The following PIGN variants were observed in gnomAD, a reference collection of about 807,000 sequenced individuals.
PIGN encodes the protein GPI ethanolamine phosphate transferase 1.
PIGN carries 117 observed loss-of-function variants against 125.4 expected under a neutral mutation model. That is an observed-to-expected ratio of 0.93 (90% CI 0.80 to 1.09). PIGN has a LOEUF of 1.09. Ranked by LOEUF, PIGN falls within the 50% of genes least tolerant of loss-of-function variation. The pLI is 0.00. For synonymous variants in PIGN, 392 were observed against 377.8 expected (o/e 1.04, Z -0.44); for missense variants, 1,075 against 1,094.9 (o/e 0.98, Z 0.26).
intron 14 of PIGN, among the ~76,000 whole-genome samples, chr18:62,120,970 A>G (rs973740363): frequency 3.3e-5 from 5 of 152,212 alleles, no homozygotes; most frequent in Non-Finnish European, 7.3e-5. Flanking sequence ...TACCTTAAAT[A>G]TAAGAACATC....
chr18:62,144,797 A>G (rs529758054), intron 10 of PIGN, among the ~76,000 whole-genome samples: 98 of 152,318 alleles, frequency 6.4e-4, no homozygotes, highest in African/African-American at 2.3e-3. Context: ...TTTGCCAAAT[A>G]TCTTAATAAA....
rs1344825555 is a variant in PIGN, at chr18:62,041,476, A to G, written c.*4380T>C. On this transcript the variant is annotated 3_prime_UTR_variant, in exon 31 of 31. Transcript: ENST00000640252. ...CAAAACTATGACAAATTAAGGTTTTAGTGCAAAATTATATGGAGACATTTC... is the reference window on the plus strand; with the variant it reads ...CAAAACTATGACAAATTAAGGTTTTGGTGCAAAATTATATGGAGACATTTC... 1 of 152,186 alleles carries G rather than the reference A, an allele frequency of 6.6e-6. No homozygotes were observed. Among genetic ancestry groups the G allele is most frequent in the Non-Finnish European group, 1.5e-5 (1 of 68,030 alleles). The allele number at this position is 152,186 out of a possible 1,614,324, so 9.4% of individuals were successfully genotyped here.
intron 14 of PIGN, among the ~76,000 whole-genome samples, chr18:62,125,114 ATGTGTATATAAATAT>A (rs2035467820): frequency 9.6e-6 from 1 of 103,832 alleles, no homozygotes; most frequent in Non-Finnish European, 2.5e-5. Flanking sequence ...GTTTGTACAT[ATGTGTATATAAATAT>A]ACACGTTTGT....
At chr18:62,020,808 A>G (rs2030045069) in intron 23 of PIGN, among the ~76,000 whole-genome samples, 1 of 135,854 alleles carries the variant, frequency 7.4e-6, no homozygotes, top group Non-Finnish European at 1.7e-5. Context: ...AAAAAAAAAA[A>G]AAATTAGCCG....
At chr18:62,051,585 T>C (rs1480949142) in intron 30 of PIGN, among the ~76,000 whole-genome samples, 15 of 152,178 alleles carry the variant, frequency 9.9e-5, no homozygotes, top group Non-Finnish European at 1.8e-4. Flanking sequence ...ATTTGATTCT[T>C]CTCTCTTTTC....
chr18:62,123,931 A>G (rs1210578577), intron 14 of PIGN, among the ~76,000 whole-genome samples: 1 of 152,138 alleles, frequency 6.6e-6, no homozygotes, highest in Non-Finnish European at 1.5e-5. Context: ...AAAATGAAAA[A>G]AAAAAAGTGA....
intron 23 of PIGN, among the ~76,000 whole-genome samples, chr18:62,021,630 G>A (rs961589614): frequency 6.6e-6 from 1 of 152,202 alleles, no homozygotes; most frequent in Non-Finnish European, 1.5e-5. Flanking sequence ...CTGGAGACAG[G>A]TGCCCCCACC....
chr18:62,046,117 C>T, intron 30 of PIGN, 138 bp from the exon 31 acceptor site: 2 of 819,854 alleles, frequency 2.4e-6, no homozygotes, highest in Non-Finnish European at 3.8e-6. Context: ...TACCTTATTC[C>T]TCCTGCTAAG....
intron 1 of PIGN, among the ~76,000 whole-genome samples, chr18:62,182,579 T>C (rs1167753691): frequency 3.9e-5 from 6 of 152,242 alleles, no homozygotes; most frequent in African/African-American, 1.4e-4. Context: ...TTAAGATGTA[T>C]ACCATCTCTT....
chr18:62,032,275 C>A (rs974289725), intron 23 of PIGN, among the ~76,000 whole-genome samples: 1 of 152,206 alleles, frequency 6.6e-6, no homozygotes, highest in Non-Finnish European at 1.5e-5. Flanking sequence ...CTGTGAACTT[C>A]CATGTCTTTG....
intron 14 of PIGN, among the ~76,000 whole-genome samples, chr18:62,128,346 A>AT (rs2035612887): frequency 6.6e-6 from 1 of 152,248 alleles, no homozygotes; most frequent in South Asian, 2.1e-4. Context: ...GGTAAAAAGT[A>AT]TAAACAAAGA....
rs2030365768 is a variant in PIGN, at chr18:62,041,414, G to A, written c.*4442C>T. The A allele has an allele frequency of 1.3e-5, 2 of 152,038 alleles. No individual in the cohort carries two copies. The highest frequency in any genetic ancestry group is 4.1e-4 in the South Asian group (2 of 4,828). 9.4% of individuals were successfully genotyped at this position (152,038 alleles called of 1,614,324 possible). ...AGTAAAAATGGTATTCCAGTTCTCA[G>A]GGAAAAAAATTCAATCAACATACAA... is the stretch of plus-strand genomic sequence containing the variant. On this transcript the variant is annotated 3_prime_UTR_variant, in exon 31 of 31. Coordinates refer to ENST00000640252, the MANE Select transcript of PIGN (RefSeq NM_176787.5).
chr18:62,127,890 C>T (rs62095337), intron 14 of PIGN, among the ~76,000 whole-genome samples: 9,956 of 151,760 alleles, frequency 0.066, 453 homozygotes, highest in Non-Finnish European at 0.097. Flanking sequence ...TACATAATAG[C>T]GGAAGGAGAA....
intron 30 of PIGN, chr18:62,072,455 G>T: frequency 2.7e-6 from 1 of 377,076 alleles, no homozygotes; most frequent in Admixed American, 4.4e-5. Context: ...TTACCATTGG[G>T]TTACAATTGC....
chr18:62,032,155 T>A (rs1035064569), intron 23 of PIGN, among the ~76,000 whole-genome samples: 7 of 152,174 alleles, frequency 4.6e-5, no homozygotes, highest in African/African-American at 7.2e-5. Context: ...CTTCATTGTA[T>A]CTGCAGCGAC....
At chr18:62,091,483 AG>A (rs1029739626) in intron 23 of PIGN, among the ~76,000 whole-genome samples, 17 of 152,368 alleles carry the variant, frequency 1.1e-4, no homozygotes, top group African/African-American at 3.8e-4. Context: ...TAATGCAATA[AG>A]GCCATTTCTA....
chr18:62,024,474 T>C (rs1403300282), intron 23 of PIGN, among the ~76,000 whole-genome samples: 5 of 152,214 alleles, frequency 3.3e-5, no homozygotes, highest in South Asian at 2.1e-4. Flanking sequence ...ATATCATTTA[T>C]ACAATCTTCT....
At chr18:62,125,465 T>C (rs1463697157) in intron 14 of PIGN, among the ~76,000 whole-genome samples, 2 of 152,080 alleles carry the variant, frequency 1.3e-5, no homozygotes, top group African/African-American at 4.8e-5. Context: ...TTCCATTTTT[T>C]TGATTATAAG....
chr18:62,167,232 C>A (rs1182796568), intron 1 of PIGN, among the ~76,000 whole-genome samples: 1 of 139,000 alleles, frequency 7.2e-6, no homozygotes, highest in Non-Finnish European at 1.6e-5. Context: ...TAAAATCTCT[C>A]TCTATATATA....
Sources: allele counts gnomAD v4.1 joint callset (sites outside exome capture counted in the v4.1 genomes callset), GRCh38; gene constraint gnomAD v4.1.1; transcripts MANE v1.5; gene names NCBI Gene and HGNC (gene_info 2026-07-23, HGNC 2026-07-21).